The following TFEC variants were observed in gnomAD, a reference collection of about 807,000 sequenced individuals.
TFEC encodes the protein transcription factor EC.
A neutral mutation model predicts 41.6 loss-of-function variants in TFEC; 31 were observed. That is an observed-to-expected ratio of 0.74 (90% CI 0.56 to 1.01). The LOEUF (loss-of-function observed/expected upper bound fraction) is 1.01, where lower values mean the gene tolerates loss of function less well. Among genes scored for constraint, TFEC ranks in the 50% least tolerant of loss-of-function variants. The pLI is 0.00. For missense variants in TFEC, 402 were observed against 404.1 expected, an observed-to-expected ratio of 0.99 and a Z score of 0.04; for synonymous variants, 143 against 140.6, an observed-to-expected ratio of 1.02 and a Z score of -0.12.
intron 1 of TFEC, among the ~76,000 whole-genome samples, chr7:116,015,275 G>C (rs1795145025): frequency 6.6e-6 from 1 of 151,930 alleles, no homozygotes; most frequent in African/African-American, 2.4e-5. Flanking sequence ...TCTGACAAAG[G>C]TCAGTTTCCT....
chr7:116,106,921 G>A (rs1348318928), intron 3 of TFEC, among the ~76,000 whole-genome samples: 1 of 152,112 alleles, frequency 6.6e-6, no homozygotes, highest in Admixed American at 6.6e-5. Context: ...TAATTGCATA[G>A]GCTGATCCTG....
At chr7:116,003,834 T>TA (rs922303065) in intron 1 of TFEC, among the ~76,000 whole-genome samples, 4 of 151,740 alleles carry the variant, frequency 2.6e-5, no homozygotes, top group Non-Finnish European at 4.4e-5. Context: ...AAAAGATAGC[T>TA]AAAAAAAACC....
At chr7:116,085,485 AC>A (rs1797183424) in intron 3 of TFEC, among the ~76,000 whole-genome samples, 1 of 151,868 alleles carries the variant, frequency 6.6e-6, no homozygotes, top group Admixed American at 6.6e-5. Flanking sequence ...AACGGGTTTG[AC>A]CAAATGGATT....
rs192155070 is a variant in TFEC at position 115,940,360 on chromosome 7, G to T, written c.*191C>A. Reference sequence around the variant, plus strand: ...TCAAAGAAGAAAACACCTTTTTTTCGCCCTCAATAATTCATTAACACTATG... The same window carrying T: ...TCAAAGAAGAAAACACCTTTTTTTCTCCCTCAATAATTCATTAACACTATG... On this transcript the variant is annotated 3_prime_UTR_variant, in exon 8 of 8. Transcript: ENST00000265440. 2 of 553,440 alleles carry T rather than the reference G, an allele frequency of 3.6e-6. No homozygotes were observed. Among genetic ancestry groups the T allele is most frequent in the Non-Finnish European group, 5.9e-6 (2 of 340,330 alleles). The allele number at this position is 553,440 out of a possible 1,614,324, so 34.3% of individuals were successfully genotyped here. A position where few individuals can be genotyped will look rare whatever the true frequency, so the allele number is the denominator to read the frequency against.
At chr7:116,029,634 A>G (rs980321512) in intron 1 of TFEC, among the ~76,000 whole-genome samples, 1 of 151,950 alleles carries the variant, frequency 6.6e-6, no homozygotes, top group Non-Finnish European at 1.5e-5. Context: ...ATGGAGTTAT[A>G]ACTTATATAA....
intron 1 of TFEC, among the ~76,000 whole-genome samples, chr7:116,132,080 A>G (rs1426439681): frequency 1.3e-5 from 2 of 152,114 alleles, no homozygotes; most frequent in East Asian, 1.9e-4. Context: ...TTTTCTTTCC[A>G]TCATAAAGTA....
At chr7:115,955,184 G>A (rs1378140714) in intron 4 of TFEC, among the ~76,000 whole-genome samples, 1 of 151,926 alleles carries the variant, frequency 6.6e-6, no homozygotes, top group African/African-American at 2.4e-5. Context: ...TATATATGGT[G>A]TGGTTGTATT....
chr7:116,044,529 T>G (rs73448932), intron 3 of TFEC, among the ~76,000 whole-genome samples: 3,055 of 152,348 alleles, frequency 0.02, 91 homozygotes, highest in African/African-American at 0.068. Flanking sequence ...GAACAGAAGT[T>G]TATTTTCTTT....
intron 3 of TFEC, among the ~76,000 whole-genome samples, chr7:115,967,824 T>C (rs1488832852): frequency 6.6e-6 from 1 of 151,828 alleles, no homozygotes; most frequent in African/African-American, 2.4e-5. Flanking sequence ...TAAATACTTT[T>C]GCATCATGCA....
intron 3 of TFEC, among the ~76,000 whole-genome samples, chr7:116,050,829 T>C (rs895776391): frequency 2.0e-5 from 3 of 152,244 alleles, no homozygotes; most frequent in African/African-American, 7.2e-5. Context: ...ATCATGCTGC[T>C]ATAAAGACAC....
intron 3 of TFEC, among the ~76,000 whole-genome samples, chr7:116,065,488 GGAGT>G: frequency 2.0e-5 from 3 of 152,238 alleles, no homozygotes; most frequent in African/African-American, 7.2e-5. Context: ...ATGCATTATG[GGAGT>G]GAGTGGAGGA....
chr7:116,005,059 T>C (rs562635368), intron 1 of TFEC, among the ~76,000 whole-genome samples: 29 of 152,328 alleles, frequency 1.9e-4, no homozygotes, highest in African/African-American at 6.7e-4. Context: ...TCCACTATGA[T>C]TGTGAGGCCT....
chr7:116,072,730 A>G (rs953023207), intron 3 of TFEC, among the ~76,000 whole-genome samples: 14 of 151,732 alleles, frequency 9.2e-5, no homozygotes, highest in Non-Finnish European at 1.9e-4. Flanking sequence ...ACATCTCAAT[A>G]GATGCAGAGA....
intron 1 of TFEC, among the ~76,000 whole-genome samples, chr7:116,159,326 G>C (rs1425604847): frequency 2.0e-5 from 3 of 151,708 alleles, no homozygotes; most frequent in Non-Finnish European, 2.9e-5. Context: ...ATTTTGTCTT[G>C]TGTTTTTCTG....
intron 1 of TFEC, among the ~76,000 whole-genome samples, chr7:116,004,973 C>G (rs750135352): frequency 6.6e-6 from 1 of 152,066 alleles, no homozygotes; most frequent in African/African-American, 2.4e-5. Context: ...TGAGACCTGA[C>G]GGTTTCATAA....
intron 1 of TFEC, among the ~76,000 whole-genome samples, chr7:116,013,342 C>T (rs1273873867): frequency 6.6e-6 from 1 of 152,046 alleles, no homozygotes; most frequent in Non-Finnish European, 1.5e-5. Context: ...GCTGCATTTT[C>T]CCCTTGTAAC....
intron 1 of TFEC, among the ~76,000 whole-genome samples, chr7:116,132,320 G>A (rs1163231218): frequency 6.6e-6 from 1 of 152,102 alleles, no homozygotes; most frequent in Non-Finnish European, 1.5e-5. Flanking sequence ...GTTTTCTTAA[G>A]GATTTGAACA....
At chr7:115,947,192 T>C (rs1157885932) in intron 6 of TFEC, among the ~76,000 whole-genome samples, 1 of 150,780 alleles carries the variant, frequency 6.6e-6, no homozygotes, top group Non-Finnish European at 1.5e-5. Flanking sequence ...GTTCTTGTGA[T>C]AGTTTACTGA....
At chr7:116,103,351 G>T (rs113173544) in intron 3 of TFEC, among the ~76,000 whole-genome samples, 2,213 of 152,236 alleles carry the variant, frequency 0.015, 51 homozygotes, top group African/African-American at 0.051. Flanking sequence ...TGCCAAAGCT[G>T]CTGCTTACAC....
Sources: allele counts gnomAD v4.1 joint callset (sites outside exome capture counted in the v4.1 genomes callset), GRCh38; gene constraint gnomAD v4.1.1; transcripts MANE v1.5; gene names NCBI Gene and HGNC (gene_info 2026-07-23, HGNC 2026-07-21).